SORCS3: variants seen among roughly 807,000 people sequenced by gnomAD.
SORCS3 encodes the protein sortilin related VPS10 domain containing receptor 3, also known as VPS10 domain-containing receptor SorCS3.
A neutral mutation model predicts 146.3 loss-of-function variants in SORCS3; 57 were observed. The ratio of observed to expected loss-of-function variants is 0.39; its 90% confidence interval spans 0.31 to 0.49. The LOEUF (loss-of-function observed/expected upper bound fraction) is 0.49, where lower values mean the gene tolerates loss of function less well. Among genes scored for constraint, SORCS3 ranks in the 20% least tolerant of loss-of-function variants. The pLI is 0.92. For missense variants in SORCS3, 1,341 were observed against 1,575.5 expected (o/e 0.85, Z 2.52); for synonymous variants, 653 against 618.5 (o/e 1.06, Z -0.83).
At chr10:104,893,805 G>T (rs2018772478) in intron 2 of SORCS3, among the ~76,000 whole-genome samples, 1 of 152,144 alleles carries the variant, frequency 6.6e-6, no homozygotes, top group Admixed American at 6.5e-5. Flanking sequence ...GCACTGCCAT[G>T]CTTAGTAGTC....
intron 4 of SORCS3, among the ~76,000 whole-genome samples, chr10:105,033,479 T>C (rs1022999486): frequency 7.9e-5 from 12 of 152,308 alleles, no homozygotes; most frequent in East Asian, 7.7e-4. Flanking sequence ...GATTCTCTGA[T>C]CCTATGTTGT....
Position 105,130,363 on chromosome 10 carries a change from A to G in SORCS3, c.1213-9034A>G, listed in dbSNP as rs985330855. On this transcript the variant is annotated intron_variant, in intron 7 of 26. Transcript: ENST00000369701. ...CAGTGTCAGAGGGTCAGGCATGCTA[A>G]TTCTTCTTCTAGTCTTGTGTGTGGT... is the stretch of plus-strand genomic sequence containing the variant. Among the ~76,000 whole-genome samples the G allele has an allele frequency of 2.6e-5, 4 of 152,064 alleles. No homozygotes were observed. In the South Asian group the frequency reaches 8.3e-4, roughly 32 times the overall value.
At chr10:104,835,020 G>A (rs1439230717) in intron 1 of SORCS3, among the ~76,000 whole-genome samples, 1 of 152,050 alleles carries the variant, frequency 6.6e-6, no homozygotes, top group Non-Finnish European at 1.5e-5. Context: ...TCACTGACAA[G>A]TTGGTGTCTC....
chr10:104,884,582 A>T (rs1028785647), intron 2 of SORCS3, among the ~76,000 whole-genome samples: 9 of 152,156 alleles, frequency 5.9e-5, no homozygotes, highest in African/African-American at 2.2e-4. Context: ...AAGAATAATC[A>T]TGTTGTACTG....
intron 3 of SORCS3, among the ~76,000 whole-genome samples, chr10:104,921,871 T>C (rs1249974595): frequency 6.6e-6 from 1 of 151,946 alleles, no homozygotes; most frequent in Non-Finnish European, 1.5e-5. Context: ...TTGCCTGGGG[T>C]TTTCTGTTCA....
chr10:105,153,669 GTGTGTT>G (rs2056184323), intron 9 of SORCS3, among the ~76,000 whole-genome samples: 1 of 151,852 alleles, frequency 6.6e-6, no homozygotes, highest in African/African-American at 2.4e-5. Flanking sequence ...GTGTGTGTGT[GTGTGTT>G]TGTAGCTGTT....
At chr10:104,949,838 T>C (rs1288777435) in intron 3 of SORCS3, among the ~76,000 whole-genome samples, 1 of 152,256 alleles carries the variant, frequency 6.6e-6, no homozygotes, top group Non-Finnish European at 1.5e-5. Context: ...TACTGTTCAG[T>C]TGCAGATTAT....
At chr10:105,004,918 A>G (rs1372864046) in intron 4 of SORCS3, among the ~76,000 whole-genome samples, 1 of 152,180 alleles carries the variant, frequency 6.6e-6, no homozygotes, top group Admixed American at 6.5e-5. Flanking sequence ...ACAGGCCAGC[A>G]TGAAATACTT....
At position 105,209,945 on chromosome 10, in the gene SORCS3, A is replaced by G. The variant is rs144348931; in HGVS notation, c.2262-1192A>G. 5.9e-5 allele frequency among the ~76,000 whole-genome samples: 9 copies of G among 152,260 alleles called. No individual in the cohort carries two copies. In the East Asian group the frequency reaches 1.7e-3, roughly 29 times the overall value. The stretch of plus-strand genomic sequence containing the variant: ...TTTAGTCATGTTTGGGGTATGCTGT[A>G]TCTCTCTCCCCCAAAGACTGAAAAA... On this transcript the variant is annotated intron_variant, in intron 16 of 26. Transcript: ENST00000369701.
At chr10:105,181,114 A>G (rs1425527673) in intron 14 of SORCS3, among the ~76,000 whole-genome samples, 1 of 152,170 alleles carries the variant, frequency 6.6e-6, no homozygotes, top group Non-Finnish European at 1.5e-5. Flanking sequence ...TCAGTGCCAT[A>G]TATTTACCAG....
intron 7 of SORCS3, among the ~76,000 whole-genome samples, chr10:105,114,307 A>AT (rs2055879058): frequency 6.6e-6 from 1 of 152,168 alleles, no homozygotes; most frequent in African/African-American, 2.4e-5. Context: ...GAGGAAAAAA[A>AT]AGTCCATAAT....
At chr10:105,088,387 T>G (rs1029293960) in intron 5 of SORCS3, among the ~76,000 whole-genome samples, 9 of 152,188 alleles carry the variant, frequency 5.9e-5, no homozygotes, top group Non-Finnish European at 2.9e-5. Flanking sequence ...TTATTCAGCC[T>G]CTTTGGGGAA....
intron 4 of SORCS3, among the ~76,000 whole-genome samples, chr10:105,039,954 A>G (rs1003698039): frequency 6.6e-6 from 1 of 152,180 alleles, no homozygotes; most frequent in Non-Finnish European, 1.5e-5. Context: ...GCAGAGGAAG[A>G]CACAATCATG....
chr10:105,245,557 G>A lies in SORCS3; in HGVS notation c.2884G>A (p.Asp962Asn). The change falls in exon 21 of 27, where the codon GAC (aspartate) becomes AAC (asparagine). Residue 962 changes from aspartate (D) to asparagine (N), a missense_variant. Transcript: ENST00000369701. The part of the protein sequence containing the change: ...GNSTKPLITL[D>N]SSISFTFLAE... ...CTTCTTGTAGCCTCTCATCACTTTG[G>A]ACAGCAGCATTTCCTTCACATTCCT... The A allele has an allele frequency of 1.2e-6, 2 of 1,614,062 alleles. No homozygotes were observed. Among genetic ancestry groups the A allele is most frequent in the Non-Finnish European group, 1.7e-6 (2 of 1,179,996 alleles).
chr10:104,883,560 A>T (rs961366586), intron 2 of SORCS3, among the ~76,000 whole-genome samples: 1 of 152,216 alleles, frequency 6.6e-6, no homozygotes, highest in Admixed American at 6.5e-5. Flanking sequence ...AGCTTGGTGG[A>T]GAGTCTCAGC....
intron 1 of SORCS3, among the ~76,000 whole-genome samples, chr10:104,766,994 G>C (rs1171157145): frequency 6.6e-6 from 1 of 152,140 alleles, no homozygotes; most frequent in Admixed American, 6.5e-5. Context: ...TTTATCCCTG[G>C]GTAATGATCT....
At chr10:105,123,124 C>G (rs1007850696) in intron 7 of SORCS3, among the ~76,000 whole-genome samples, 8 of 152,206 alleles carry the variant, frequency 5.3e-5, no homozygotes, top group African/African-American at 1.9e-4. Flanking sequence ...AAAATAGATA[C>G]AGTTAGAAGA....
intron 5 of SORCS3, among the ~76,000 whole-genome samples, chr10:105,066,578 C>G (rs2055524034): frequency 6.6e-6 from 1 of 152,062 alleles, no homozygotes; most frequent in African/African-American, 2.4e-5. Context: ...CTATTGCCTG[C>G]CATGTGTGTG....
intron 1 of SORCS3, among the ~76,000 whole-genome samples, chr10:104,748,714 G>T (rs573796400): frequency 5.9e-5 from 9 of 152,288 alleles, no homozygotes; most frequent in African/African-American, 1.9e-4. Context: ...TTTGCTGGGT[G>T]TGGTGGCGGG....
Sources: gnomAD v4.1 joint callset for allele counts (sites outside exome capture counted in the v4.1 genomes callset) on GRCh38, gnomAD v4.1.1 for gene constraint, MANE v1.5 for transcripts, NCBI Gene and HGNC (gene_info 2026-07-23, HGNC 2026-07-21) for gene names.